NAT9: variants seen among roughly 807,000 people sequenced by gnomAD.
NAT9 encodes the protein N-acetyltransferase 9.
In NAT9, 18 loss-of-function variants were observed where a neutral mutation model predicts 24.0. That is an observed-to-expected ratio of 0.75 (90% confidence interval 0.52 to 1.11). The LOEUF is 1.11. NAT9 is among the 50% of genes most tolerant of loss of function. The pLI is 0.00. For missense variants in NAT9, 254 were observed against 258.6 expected (o/e 0.98, Z 0.12); for synonymous variants, 104 against 102.3 (o/e 1.02, Z -0.10).
chr17:74,771,932 G>A (rs2035254698), intron 6 of NAT9, 28 bp downstream of exon 6: 3 of 1,614,158 alleles, frequency 1.9e-6, no homozygotes, highest in Non-Finnish European at 2.5e-6. Flanking sequence ...CCAGGTCTAA[G>A]CCCCACTCTG....
At chr17:74,775,043 G>C (rs989257427) in intron 2 of NAT9, among the ~76,000 whole-genome samples, 1 of 151,364 alleles carries the variant, frequency 6.6e-6, no homozygotes, top group Admixed American at 6.6e-5. Context: ...TTTTAGTAGA[G>C]ATGGCGTTTT....
chr17:74,772,259 T>C lies in NAT9; in HGVS notation c.353A>G (p.Lys118Arg), dbSNP rs2035321495. 6.2e-7 allele frequency: 1 copy of C among 1,614,046 alleles called. No homozygotes were observed. The highest frequency in any genetic ancestry group is 8.5e-7 in the Non-Finnish European group (1 of 1,180,058). ...GAGAACGGCCTCAGTGCCAAGGCCC[T>C]TACCCCTGCAGCTGGGCTCTAGGAG... ...VMIAEPSCRG[K>R]GLGTEAVLAM... The change falls in exon 5 of 7, where the codon AAG (lysine) becomes AGG (arginine). Residue 118 changes from lysine to arginine, a missense_variant. Lys to Arg is a conservative substitution (Grantham distance 26, BLOSUM62 2). Coordinates refer to ENST00000357814, the MANE Select transcript of NAT9 (RefSeq NM_015654.5).
chr17:74,775,475 C>A, intron 2 of NAT9, 147 bp downstream of exon 2: 1 of 642,256 alleles, frequency 1.6e-6, no homozygotes, highest in Non-Finnish European at 2.5e-6. Flanking sequence ...AGGCGTGAGC[C>A]ACGGCACCCA....
intron 1 of NAT9, 36 bp from the exon 2 acceptor site, chr17:74,775,743 C>A: frequency 6.3e-7 from 1 of 1,579,686 alleles, no homozygotes; most frequent in South Asian, 1.1e-5. Flanking sequence ...ACTTCAGGAC[C>A]CTGAATTTCC....
chr17:74,772,881 C>A lies in NAT9; in HGVS notation c.334+15G>T. On this transcript the variant is annotated intron_variant, in intron 4 of 6. Transcript: ENST00000357814. ...AGCCGGGAGTCAGCGGAAGGCAGGG[C>A]TAGGTGAAACAAACCTGCAATCATG... 1.2e-6 allele frequency: 2 copies of A among 1,614,058 alleles called. No homozygotes were observed. Among genetic ancestry groups the A allele is most frequent in the South Asian group, 1.1e-5 (1 of 91,082 alleles).
chr17:74,771,705 T>C lies in NAT9; in HGVS notation c.*19A>G. 1 of 1,613,106 alleles carries C rather than the reference T, an allele frequency of 6.2e-7. No homozygotes were observed. The highest frequency in any genetic ancestry group is 8.5e-7 in the Non-Finnish European group (1 of 1,179,988). Reference sequence around the variant, plus strand: ...CAACACCCTGCTCACACAGAGTGGCTGCCCACAAGGCCCAGCCATCAGCAG... The same window carrying C: ...CAACACCCTGCTCACACAGAGTGGCCGCCCACAAGGCCCAGCCATCAGCAG... On this transcript the variant is annotated 3_prime_UTR_variant, in exon 7 of 7. Transcript: ENST00000357814.
intron 2 of NAT9, 24 bp from the exon 3 acceptor site, chr17:74,773,712 A>T (rs1463080674): frequency 6.3e-7 from 1 of 1,597,422 alleles, no homozygotes; most frequent in Non-Finnish European, 8.6e-7. Context: ...GTGGCTTTAG[A>T]CATGGAGGAC....
rs771540244 is a variant in NAT9 at position 74,773,558 on chromosome 17, TG to T, written c.190+17del. On this transcript the variant is annotated intron_variant, in intron 3 of 6. Coordinates refer to ENST00000357814, the MANE Select transcript of NAT9 (RefSeq NM_015654.5). ...CTCCCAGTACCAGGGCTAGGGGAAG[TG>T]GGGGGGCACTCCTCACTGTCTGCAT... 87 of 1,603,586 alleles carry T rather than the reference TG, an allele frequency of 5.4e-5. No homozygotes were observed. The highest frequency in any genetic ancestry group is 6.1e-5 in the Non-Finnish European group (71 of 1,171,972).
At position 74,773,638 on chromosome 17, in the gene NAT9, G is replaced by A. The variant is rs751674419; in HGVS notation, c.128C>T (p.Ser43Leu). 175 of 1,614,016 alleles carry A rather than the reference G, an allele frequency of 1.1e-4. No individual in the cohort carries two copies. The highest frequency in any genetic ancestry group is 1.8e-4 in the South Asian group (16 of 91,086). ...CTCCTGCTCCAGGGTCAGCGGCTCCGAGGCTGTCAAACGCTGCAGCTCCTC... is the reference window on the plus strand; with the variant it reads ...CTCCTGCTCCAGGGTCAGCGGCTCCAAGGCTGTCAAACGCTGCAGCTCCTC... ...KSEELQRLTA[S>L]EPLTLEQEYA... The change falls in exon 3 of 7, where the codon TCG becomes TTG. Residue 43 changes from serine to leucine, a missense_variant. By Grantham distance (145) the Ser-to-Leu change is moderately radical. Transcript: ENST00000357814.
At chr17:74,773,382 G>A (rs1225299470) in intron 3 of NAT9, 194 bp downstream of exon 3, 2 of 602,772 alleles carry the variant, frequency 3.3e-6, no homozygotes, top group Non-Finnish European at 5.9e-6. Flanking sequence ...CGATGCAGTG[G>A]GTGGGGAAGA....
intron 2 of NAT9, among the ~76,000 whole-genome samples, chr17:74,774,872 T>TA (rs1567847580): frequency 6.6e-6 from 1 of 151,230 alleles, no homozygotes; most frequent in Non-Finnish European, 1.5e-5. Context: ...TATTTTATTT[T>TA]TGAGACAAAG....
intron 4 of NAT9, 88 bp from the exon 5 acceptor site, chr17:74,772,365 C>A (rs1157439509): frequency 2.6e-6 from 4 of 1,541,062 alleles, no homozygotes; most frequent in South Asian, 1.2e-5. Flanking sequence ...TAATTCTCAA[C>A]AACTCTGAAG....
At position 74,772,078 on chromosome 17, in the gene NAT9, G is replaced by A. The variant is rs776601647; in HGVS notation, c.395-24C>T. 46 of 1,614,026 alleles carry A rather than the reference G, an allele frequency of 2.9e-5. No individual in the cohort carries two copies. The South Asian group carries it at 4.9e-4, about 17-fold the overall frequency. On this transcript the variant is annotated intron_variant, in intron 5 of 6. Coordinates refer to ENST00000357814, the MANE Select transcript of NAT9 (RefSeq NM_015654.5). Reference sequence around the variant, plus strand: ...TCCTCGCAGAGGAGATGAGACAGGGGCAAGTAAGGAGGCGCCTGCCCCCAC... The same window carrying A: ...TCCTCGCAGAGGAGATGAGACAGGGACAAGTAAGGAGGCGCCTGCCCCCAC...
chr17:74,772,142 C>A (rs771593339), intron 5 of NAT9, 76 bp downstream of exon 5: 20 of 1,613,446 alleles, frequency 1.2e-5, no homozygotes, highest in Non-Finnish European at 1.7e-5. Flanking sequence ...CCTTCACCTG[C>A]CCCCAACCCT....
rs771782513 is a variant in NAT9, at chr17:74,775,636, C to T, written c.63G>A (p.Ser21=). 1.2e-6 allele frequency: 2 copies of T among 1,613,822 alleles called. No homozygotes were observed. The highest frequency in any genetic ancestry group is 2.2e-5 in the South Asian group (2 of 91,080). ...GKKVVLVPYT[S]EHVPSRYHEW... is the part of the protein sequence containing the mutation. ...GGGAAAGATACCTGGGCACATGCTC[C>T]GAGGTGTAGGGTACAAGGACCACCT... Residue 21 remains serine (S), a synonymous_variant, in exon 2 of 7, where the codon TCG becomes TCA. Coordinates refer to ENST00000357814, the MANE Select transcript of NAT9 (RefSeq NM_015654.5).
rs2035540433 is a variant in NAT9, at chr17:74,773,597, T to C, written c.169A>G (p.Ser57Gly). ...TCACTGTCTGCATCTTCCTGCCAGCTGCACTGCATGGCATACTCCTGCTCC... is the reference window on the plus strand; with the variant it reads ...TCACTGTCTGCATCTTCCTGCCAGCCGCACTGCATGGCATACTCCTGCTCC... The part of the protein sequence containing the change: ...TLEQEYAMQC[S>G]WQEDADKCTF... Residue 57 changes from serine (S) to glycine (G), a missense_variant, in exon 3 of 7, where the codon AGC (serine) becomes GGC (glycine). Ser to Gly is a moderately conservative substitution (Grantham distance 56). Transcript: ENST00000357814. 6 of 1,614,058 alleles carry C rather than the reference T, an allele frequency of 3.7e-6. No individual in the cohort carries two copies. Among genetic ancestry groups the C allele is most frequent in the Middle Eastern group, 3.3e-4 (2 of 6,062 alleles).
Position 74,771,603 on chromosome 17 carries a change from G to T in NAT9, c.*121C>A. On this transcript the variant is annotated 3_prime_UTR_variant, in exon 7 of 7. Coordinates refer to ENST00000357814, the MANE Select transcript of NAT9 (RefSeq NM_015654.5). ...AGCAAGCCCCGCCAGAGTCTGAAGG[G>T]CCTCGAAAGGTGATTCCCAGCCTGG... The T allele has an allele frequency of 6.9e-7, 1 of 1,446,648 alleles. No individual in the cohort carries two copies. The highest frequency in any genetic ancestry group is 1.4e-5 in the African/African-American group (1 of 71,276). The allele number at this position is 1,446,648 out of a possible 1,614,324, so 89.6% of individuals were successfully genotyped here.
rs1021186125 is a variant in NAT9, at chr17:74,772,281, GGA to G, written c.335-6_335-5del. 1.2e-6 allele frequency: 2 copies of G among 1,613,852 alleles called. No individual in the cohort carries two copies. Among genetic ancestry groups the G allele is most frequent in the African/African-American group, 2.7e-5 (2 of 74,958 alleles). ...CCCTTACCCCTGCAGCTGGGCTCTA[GGA>G]GAGACAACAGGAGCGGCGCTGACGC... On this transcript the variant is annotated splice_polypyrimidine_tract_variant and splice_region_variant and intron_variant, in intron 4 of 6. Coordinates refer to ENST00000357814, the MANE Select transcript of NAT9 (RefSeq NM_015654.5).
At position 74,773,031 on chromosome 17, in the gene NAT9, A is replaced by G; in HGVS notation, c.199T>C (p.Phe67Leu). 1 of 1,613,884 alleles carries G rather than the reference A, an allele frequency of 6.2e-7. No individual in the cohort carries two copies. Among genetic ancestry groups the G allele is most frequent in the East Asian group, 2.2e-5 (1 of 44,886 alleles). The change falls in exon 4 of 7, where the codon TTC becomes CTC. Residue 67 changes from phenylalanine to leucine, a missense_variant. Transcript: ENST00000357814. ...SWQEDADKCT[F>L]IVLDAEKWQA... ...CACTTCTCGGCATCCAGCACAATGA[A>G]GGTACACTCTGAGGAGGAGGTGACA... is the stretch of plus-strand genomic sequence containing the variant.
Sources: gnomAD v4.1 joint callset for allele counts (sites outside exome capture counted in the v4.1 genomes callset) on GRCh38, gnomAD v4.1.1 for gene constraint, MANE v1.5 for transcripts, NCBI Gene and HGNC (gene_info 2026-07-23, HGNC 2026-07-21) for gene names.